LAMA1: variants seen among roughly 807,000 people sequenced by gnomAD.
LAMA1 encodes the protein laminin subunit alpha-1.
Under a neutral mutation model 348.7 loss-of-function variants are expected in LAMA1, and 219 were observed. The ratio of observed to expected loss-of-function variants is 0.63; its 90% CI spans 0.56 to 0.70. The LOEUF (loss-of-function observed/expected upper bound fraction) is 0.70, where lower values mean the gene tolerates loss of function less well. LAMA1 is among the 30% of genes least tolerant of loss of function. The pLI is 0.00. For synonymous variants in LAMA1, 1,487 were observed against 1,491.0 expected (o/e 1.00, Z 0.06); for missense variants, 3,744 against 3,888.0 (o/e 0.96, Z 0.99).
At chr18:6,984,101 G>A (rs1350265543) in intron 39 of LAMA1, among the ~76,000 whole-genome samples, 1 of 152,042 alleles carries the variant, frequency 6.6e-6, no homozygotes, top group African/African-American at 2.4e-5. Flanking sequence ...TTCTCTTTGG[G>A]GGAAATGATG....
chr18:7,002,450 G>A (rs1289140384), intron 29 of LAMA1, 65 bp from the exon 30 acceptor site: 2 of 1,555,740 alleles, frequency 1.3e-6, no homozygotes, highest in Admixed American at 1.7e-5. Flanking sequence ...TTCTTATCTG[G>A]TAATAGCTAA....
intron 48 of LAMA1, among the ~76,000 whole-genome samples, chr18:6,968,103 C>T (rs544208900): frequency 1.7e-4 from 26 of 152,196 alleles, no homozygotes; most frequent in Non-Finnish European, 3.1e-4. Flanking sequence ...GGGTCTCTGC[C>T]TTGGTAAGGG....
At chr18:7,012,907 C>G (rs570122622) in intron 23 of LAMA1, among the ~76,000 whole-genome samples, 3 of 151,428 alleles carry the variant, frequency 2.0e-5, no homozygotes, top group African/African-American at 7.3e-5. Flanking sequence ...CACCTGTAAT[C>G]CCAGCACTTT....
intron 1 of LAMA1, among the ~76,000 whole-genome samples, chr18:7,098,396 G>C (rs1024068356): frequency 6.6e-6 from 1 of 151,544 alleles, no homozygotes; most frequent in African/African-American, 2.4e-5. Context: ...TCCCACCTAG[G>C]AAGTGAGGAG....
At chr18:7,002,137 A>G (rs2057810311) in intron 30 of LAMA1, 127 bp downstream of exon 30, 4 of 1,253,828 alleles carry the variant, frequency 3.2e-6, no homozygotes, top group African/African-American at 1.5e-5. Flanking sequence ...TTTTCTTAAA[A>G]TTAGCCTTTT....
chr18:6,992,594 G>A lies in LAMA1; in HGVS notation c.5135C>T (p.Thr1712Ile), dbSNP rs1260583005. 1.9e-6 allele frequency: 3 copies of A among 1,614,170 alleles called. No individual in the cohort carries two copies. Among genetic ancestry groups the A allele is most frequent in the South Asian group, 1.1e-5 (1 of 91,088 alleles). Residue 1712 changes from threonine to isoleucine, a missense_variant, in exon 36 of 63, where the codon ACA becomes ATA. Around this residue, in one of 3 missense-constraint regions of LAMA1, gnomAD observed 1,983 missense variants for 1,934.3 expected, o/e 1.03. Transcript: ENST00000389658. ...AAGGGTGGCATTTTGGTGCAACTGT[G>A]TGAAGTCTCTTATCTGCATGATTTC... is the stretch of plus-strand genomic sequence containing the variant. ...LLEIMQIRDFTQLHQNATLEL... is the reference protein window; with the variant it reads ...LLEIMQIRDFIQLHQNATLEL...
chr18:7,032,870 A>T (rs951909121), intron 15 of LAMA1, 114 bp downstream of exon 15: 2 of 792,664 alleles, frequency 2.5e-6, no homozygotes, highest in Admixed American at 2.0e-5. Context: ...GACTGAGCCA[A>T]ACATTGGGCT....
In LAMA1 at chr18:7,031,912, T is replaced by C. The variant is rs1327509052; in HGVS notation, c.2274+154A>G. On this transcript the variant is annotated intron_variant, in intron 16 of 62. Coordinates refer to ENST00000389658, the MANE Select transcript of LAMA1 (RefSeq NM_005559.4). ...AAACAAAAAAAAAAACGGGAAACAT[T>C]TCATGACATGAGCTTAAATCTGTAA... Among the ~76,000 whole-genome samples, 3 of 148,362 alleles carry C rather than the reference T, an allele frequency of 2.0e-5. No individual in the cohort carries two copies. The East Asian group carries it at 5.8e-4, about 29-fold the overall frequency.
Position 7,035,981 on chromosome 18 carries a change from A to AATC in LAMA1, c.1839+3_1839+5dup. 1 of 1,610,878 alleles carries AATC rather than the reference A, an allele frequency of 6.2e-7. No individual in the cohort carries two copies. Reference sequence around the variant, plus strand: ...TCTATAGCAGAATCAAAGCAAAAACAATCACCTTAATGATGACGTCAGCAT... The same window carrying AATC: ...TCTATAGCAGAATCAAAGCAAAAACAATCATCACCTTAATGATGACGTCAGCAT... On this transcript the variant is annotated splice_donor_region_variant and intron_variant, in intron 13 of 62. Coordinates refer to ENST00000389658, the MANE Select transcript of LAMA1 (RefSeq NM_005559.4).
At chr18:7,043,548 A>C (rs1447769932) in intron 7 of LAMA1, 143 bp from the exon 8 acceptor site, 7 of 690,360 alleles carry the variant, frequency 1.0e-5, no homozygotes, top group Non-Finnish European at 1.7e-5. Context: ...TATGGGCAGT[A>C]TTATGGAGGA....
intron 61 of LAMA1, among the ~76,000 whole-genome samples, chr18:6,944,346 G>A (rs2057513363): frequency 6.6e-6 from 1 of 152,124 alleles, no homozygotes; most frequent in African/African-American, 2.4e-5. Context: ...ACCTATGAGC[G>A]AATATTTACT....
At chr18:7,029,501 CAGAT>C (rs2057958847) in intron 16 of LAMA1, among the ~76,000 whole-genome samples, 2 of 152,114 alleles carry the variant, frequency 1.3e-5, no homozygotes. Flanking sequence ...ATCAAGGAGT[CAGAT>C]AGTGCTTTCT....
In LAMA1 at chr18:7,044,825, T is replaced by A. The variant is rs770977651; in HGVS notation, c.873A>T (p.Gln291His). The A allele has an allele frequency of 1.9e-5, 30 of 1,613,404 alleles. No homozygotes were observed. The highest frequency in any genetic ancestry group is 3.3e-5 in the Admixed American group (2 of 60,002). Residue 291 changes from glutamine to histidine, a missense_variant, in exon 7 of 63, where the codon CAA becomes CAT. This residue lies in a region of LAMA1 where 1,529 missense variants were observed against 1,689.4 expected (regional missense o/e 0.91). Coordinates refer to ENST00000389658, the MANE Select transcript of LAMA1 (RefSeq NM_005559.4). ...WDETTKKLQCQCEHNTCGESC... is the reference protein window; with the variant it reads ...WDETTKKLQCHCEHNTCGESC... Reference sequence around the variant, plus strand: ...TCTCCCCGCAAGTATTATGCTCACATTGACACTGCAGTTTCTACACAATAA... The same window carrying A: ...TCTCCCCGCAAGTATTATGCTCACAATGACACTGCAGTTTCTACACAATAA...
intron 11 of LAMA1, among the ~76,000 whole-genome samples, chr18:7,038,130 T>G (rs2058003585): frequency 6.6e-6 from 1 of 152,130 alleles, no homozygotes; most frequent in Non-Finnish European, 1.5e-5. Context: ...ACCCAAATGT[T>G]GAAAAATGTA....
chr18:6,992,533 G>A (rs374144238), intron 36 of LAMA1, 28 bp downstream of exon 36: 2 of 1,612,022 alleles, frequency 1.2e-6, no homozygotes, highest in South Asian at 1.1e-5. Flanking sequence ...CTACTTGGTT[G>A]CATTGCACAC....
At chr18:6,973,729 A>T (rs2144032786) in intron 46 of LAMA1, among the ~76,000 whole-genome samples, 1 of 152,268 alleles carries the variant, frequency 6.6e-6, no homozygotes, top group African/African-American at 2.4e-5. Context: ...CTCCTGAGGA[A>T]TTTTACCAGG....
chr18:7,098,827 C>T (rs1350796024), intron 1 of LAMA1, among the ~76,000 whole-genome samples: 1 of 131,142 alleles, frequency 7.6e-6, no homozygotes, highest in Admixed American at 7.9e-5. Context: ...GGCCACCGCC[C>T]CGTCCGGGAG....
At chr18:7,021,286 T>G (rs2144136619) in intron 19 of LAMA1, among the ~76,000 whole-genome samples, 1 of 152,286 alleles carries the variant, frequency 6.6e-6, no homozygotes. Context: ...TTCACAGTCC[T>G]GTCCTGTGGC....
chr18:7,115,814 C>CAAAACAAAACA (rs58813825), intron 1 of LAMA1, among the ~76,000 whole-genome samples: 2 of 94,838 alleles, frequency 2.1e-5, no homozygotes, highest in South Asian at 4.1e-4. Context: ...ACTAAAAATA[C>CAAAACAAAACA]AAAAAAAAAA....
Sources: gnomAD v4.1 joint callset for allele counts (sites outside exome capture counted in the v4.1 genomes callset) on GRCh38, gnomAD v4.1.1 for gene constraint, gnomAD v4.1.1 regional missense constraint, MANE v1.5 for transcripts, NCBI Gene and HGNC (gene_info 2026-07-23, HGNC 2026-07-21) for gene names.